The following TEK variants were observed in gnomAD, a reference collection of about 807,000 sequenced individuals.
TEK encodes the protein TEK receptor tyrosine kinase.
Under a neutral mutation model 131.8 loss-of-function variants are expected in TEK, and 43 were observed. That is an observed-to-expected ratio of 0.33 (90% CI 0.26 to 0.42). The LOEUF (loss-of-function observed/expected upper bound fraction) is 0.42, where lower values mean the gene tolerates loss of function less well. Among genes scored for constraint, TEK ranks in the 10% least tolerant of loss-of-function variants. The pLI, the probability that TEK is intolerant of heterozygous loss-of-function variation, is 1.00. For synonymous variants in TEK, 580 were observed against 491.6 expected (o/e 1.18, Z -2.38); for missense variants, 1,162 against 1,384.4 (o/e 0.84, Z 2.55).
At chr9:27,216,929 A>C (rs145552989) in intron 18 of TEK, among the ~76,000 whole-genome samples, 48 of 152,332 alleles carry the variant, frequency 3.2e-4, no homozygotes, top group Admixed American at 8.5e-4. Context: ...ATGAGTAGAT[A>C]GGAAGGGAGC....
rs756692556 is a variant in TEK at position 27,202,811 on chromosome 9, A to C, written c.1910-9A>C. 25 of 1,613,210 alleles carry C rather than the reference A, an allele frequency of 1.5e-5. No individual in the cohort carries two copies. The highest frequency in any genetic ancestry group is 2.1e-5 in the Non-Finnish European group (25 of 1,179,304). On this transcript the variant is annotated splice_polypyrimidine_tract_variant and intron_variant, in intron 12 of 22. Coordinates refer to ENST00000380036, the MANE Select transcript of TEK (RefSeq NM_000459.5). ...TCTTAAGTGAATCTTTTTTCTTTTT[A>C]ATTTCTAGTTCTTCCTCCTCAACCA...
chr9:27,185,462 T>C (rs754936316), intron 8 of TEK, 23 bp from the exon 9 acceptor site: 6 of 1,613,490 alleles, frequency 3.7e-6, no homozygotes, highest in African/African-American at 1.3e-5. Context: ...AAGTTTTTAT[T>C]TTTTTGTATT....
intron 9 of TEK, among the ~76,000 whole-genome samples, chr9:27,186,131 T>A (rs563827585): frequency 1.4e-4 from 21 of 152,212 alleles, no homozygotes; most frequent in Non-Finnish European, 2.6e-4. Context: ...GGCTATGCTA[T>A]ATAATTAACA....
Position 27,190,618 on chromosome 9 carries a change from G to T in TEK, c.1417G>T (p.Asp473Tyr). 6.2e-7 allele frequency: 1 copy of T among 1,614,020 alleles called. No individual in the cohort carries two copies. The highest frequency in any genetic ancestry group is 2.2e-5 in the East Asian group (1 of 44,864). ...CATCAGCTCTGAGCCTTACTTTGGG[G>T]ATGGACCAATCAAATCCAAGAAGCT... ...INISSEPYFG[D>Y]GPIKSKKLLY... The change falls in exon 10 of 23, where the codon GAT (aspartate) becomes TAT (tyrosine). Residue 473 changes from aspartate (D) to tyrosine (Y), a missense_variant. Asp to Tyr is a radical substitution (Grantham distance 160, BLOSUM62 -3). Transcript: ENST00000380036.
At position 27,218,941 on chromosome 9, in the gene TEK, GAAATAGAAACATAGTGTATTA is replaced by G. The variant is rs1825933248; in HGVS notation, c.3103+126_3103+146del. ...ATGTGGTTCTACCAGATGTGACTTGGAAATAGAAACATAGTGTATTAATTCCCATATTTTTCTTTTTAAAAG... is the reference window on the plus strand; with the variant it reads ...ATGTGGTTCTACCAGATGTGACTTGGATTCCCATATTTTTCTTTTTAAAAG... On this transcript the variant is annotated intron_variant, in intron 20 of 22. Transcript: ENST00000380036. 5.1e-6 allele frequency: 5 copies of G among 974,672 alleles called. No homozygotes were observed. In the East Asian group the frequency reaches 1.2e-4, roughly 24 times the overall value. The allele number at this position is 974,672 out of a possible 1,614,324, so 60.4% of individuals were successfully genotyped here. A position where few individuals can be genotyped will look rare whatever the true frequency, so the allele number is the denominator to read the frequency against.
intron 1 of TEK, among the ~76,000 whole-genome samples, chr9:27,134,800 G>A (rs1822356606): frequency 6.6e-6 from 1 of 152,168 alleles, no homozygotes; most frequent in Non-Finnish European, 1.5e-5. Context: ...ATAAAAAGAA[G>A]AGAAACCTTA....
intron 18 of TEK, among the ~76,000 whole-genome samples, chr9:27,214,476 T>C (rs1825745597): frequency 6.6e-6 from 1 of 152,220 alleles, no homozygotes; most frequent in Non-Finnish European, 1.5e-5. Flanking sequence ...TTTTTGCTTT[T>C]GTGGGCACAC....
intron 4 of TEK, among the ~76,000 whole-genome samples, chr9:27,171,473 C>T (rs1158577092): frequency 6.6e-5 from 10 of 152,194 alleles, no homozygotes; most frequent in Admixed American, 6.5e-5. Context: ...AGAGTAGGCA[C>T]GTGTATAATT....
At chr9:27,118,809 A>G (rs621786) in intron 1 of TEK, among the ~76,000 whole-genome samples, 60,061 of 151,840 alleles carry the variant, frequency 0.4, 12,381 homozygotes, top group East Asian at 0.7. Context: ...AAGATGCACA[A>G]CCCAACAGGG....
intron 12 of TEK, among the ~76,000 whole-genome samples, chr9:27,200,679 C>A (rs1825183260): frequency 6.6e-6 from 1 of 152,136 alleles, no homozygotes; most frequent in Non-Finnish European, 1.5e-5. Flanking sequence ...TCCAGCCTAG[C>A]AATTACATCT....
intron 1 of TEK, among the ~76,000 whole-genome samples, chr9:27,122,994 A>G (rs1821849272): frequency 7.5e-6 from 1 of 133,716 alleles, no homozygotes; most frequent in Non-Finnish European, 1.5e-5. Context: ...CAGAGGTTGC[A>G]GTGAGCCGAG....
intron 1 of TEK, among the ~76,000 whole-genome samples, chr9:27,112,451 A>C (rs1163946565): frequency 1.3e-5 from 2 of 152,036 alleles, no homozygotes; most frequent in African/African-American, 4.8e-5. Flanking sequence ...CCTTCCAAGC[A>C]TTGTCTTTAT....
intron 1 of TEK, among the ~76,000 whole-genome samples, chr9:27,142,657 T>C (rs1186350353): frequency 6.6e-6 from 1 of 152,240 alleles, no homozygotes; most frequent in African/African-American, 2.4e-5. Flanking sequence ...ATCAAAGTAC[T>C]AAGGCAAAGG....
chr9:27,116,396 C>G (rs898022901), intron 1 of TEK, among the ~76,000 whole-genome samples: 3 of 152,020 alleles, frequency 2.0e-5, no homozygotes, highest in Non-Finnish European at 2.9e-5. Flanking sequence ...TCAAGTGATT[C>G]TCCCACCTCA....
At chr9:27,119,422 C>G (rs948595693) in intron 1 of TEK, among the ~76,000 whole-genome samples, 7 of 152,152 alleles carry the variant, frequency 4.6e-5, no homozygotes, top group East Asian at 1.9e-4. Context: ...AAACTGGTGT[C>G]TCATATGTTA....
chr9:27,110,559 G>A (rs1016954948), intron 1 of TEK, among the ~76,000 whole-genome samples: 31 of 152,068 alleles, frequency 2.0e-4, no homozygotes, highest in African/African-American at 6.8e-4. Context: ...AACGAAAATC[G>A]AATTGATATT....
chr9:27,146,720 A>ATTTTTTTTTTT (rs34727945), intron 1 of TEK, among the ~76,000 whole-genome samples: 1 of 113,692 alleles, frequency 8.8e-6, no homozygotes, highest in Non-Finnish European at 1.8e-5. Flanking sequence ...TAAACATTCT[A>ATTTTTTTTTTT]TTTTTTTTTT....
chr9:27,222,924 A>C (rs1293481751), intron 21 of TEK, among the ~76,000 whole-genome samples: 2 of 152,196 alleles, frequency 1.3e-5, no homozygotes, highest in African/African-American at 4.8e-5. Context: ...GGACAGAGGC[A>C]TATTTACCAA....
At chr9:27,169,348 C>A in intron 3 of TEK, 129 bp from the exon 4 acceptor site, 1 of 1,219,520 alleles carries the variant, frequency 8.2e-7, no homozygotes, top group Admixed American at 1.7e-5. Context: ...TCATTCTTCT[C>A]CCACATCCAA....
Sources: gnomAD v4.1 joint callset for allele counts (sites outside exome capture counted in the v4.1 genomes callset) on GRCh38, gnomAD v4.1.1 for gene constraint, MANE v1.5 for transcripts, NCBI Gene and HGNC (gene_info 2026-07-23, HGNC 2026-07-21) for gene names.